Variants in MACROD1 observed in about 807,000 individuals in gnomAD.
MACROD1 encodes the protein ADP-ribose glycohydrolase MACROD1.
MACROD1 carries 31 observed loss-of-function variants against 41.4 expected under a neutral mutation model. The ratio of observed to expected loss-of-function variants is 0.75; its 90% CI spans 0.56 to 1.01. The LOEUF is 1.01. MACROD1 is among the 50% of genes least tolerant of loss of function. The pLI, the probability that MACROD1 is intolerant of heterozygous loss-of-function variation, is 0.00. For missense variants in MACROD1, 473 were observed against 460.0 expected (o/e 1.03, Z -0.26); for synonymous variants, 252 against 203.4 (o/e 1.24, Z -2.03).
chr11:64,143,759 C>CACACACAA (rs1945449436), intron 3 of MACROD1, among the ~76,000 whole-genome samples: 1 of 132,654 alleles, frequency 7.5e-6, no homozygotes, highest in African/African-American at 2.7e-5. Flanking sequence ...CACATACACA[C>CACACACAA]ACACACACAC....
At chr11:64,162,909 C>A (rs1055156836) in intron 1 of MACROD1, among the ~76,000 whole-genome samples, 1 of 150,774 alleles carries the variant, frequency 6.6e-6, no homozygotes, top group Non-Finnish European at 1.5e-5. Flanking sequence ...TCACGAGGTC[C>A]GGAGATCAAG....
In MACROD1 at chr11:64,131,541, G is replaced by A. The variant is rs541934465; in HGVS notation, c.517+19698C>T. Among the ~76,000 whole-genome samples, 4 of 152,284 alleles carry A rather than the reference G, an allele frequency of 2.6e-5. No homozygotes were observed. The East Asian group carries it at 7.7e-4, about 29-fold the overall frequency. ...GGGGTTTCTCCATGTTGGCCAGGCT[G>A]GTCTTGAACTCCCAACTTCAATGAT... On this transcript the variant is annotated intron_variant, in intron 3 of 10. Transcript: ENST00000255681.
At chr11:64,139,300 C>T (rs185335450) in intron 3 of MACROD1, among the ~76,000 whole-genome samples, 46 of 152,322 alleles carry the variant, frequency 3.0e-4, no homozygotes, top group Admixed American at 1.6e-3. Context: ...TATAAACAGC[C>T]GCGTCCCTGC....
rs1249849262 is a variant in MACROD1 at position 64,151,221 on chromosome 11, T to C, written c.517+18A>G. On this transcript the variant is annotated intron_variant, in intron 3 of 10. Coordinates refer to ENST00000255681, the MANE Select transcript of MACROD1 (RefSeq NM_014067.4). ...AACAGGGCGGCCACCAGGTCTCTGG[T>C]TCAGGCCAGCCACTCACCGGCGTTG... is the stretch of plus-strand genomic sequence containing the variant. 1.9e-6 allele frequency: 3 copies of C among 1,606,012 alleles called. No individual in the cohort carries two copies. The highest frequency in any genetic ancestry group is 2.6e-6 in the Non-Finnish European group (3 of 1,175,216).
At chr11:64,124,307 G>C (rs1249080715) in intron 3 of MACROD1, among the ~76,000 whole-genome samples, 1 of 152,206 alleles carries the variant, frequency 6.6e-6, no homozygotes, top group African/African-American at 2.4e-5. Flanking sequence ...TCTTAAGCCA[G>C]GGCTGCCCCA....
At chr11:64,117,139 C>T in intron 3 of MACROD1, 1 of 1,613,390 alleles carries the variant, frequency 6.2e-7, no homozygotes, top group South Asian at 1.1e-5. Context: ...AACACGCTGG[C>T]CAAGATGCGT....
At chr11:64,097,011 A>G (rs1944588512) in intron 3 of MACROD1, among the ~76,000 whole-genome samples, 1 of 152,166 alleles carries the variant, frequency 6.6e-6, no homozygotes, top group African/African-American at 2.4e-5. Flanking sequence ...GCAAAGGCAC[A>G]AGAGCACTCC....
At chr11:64,128,520 G>A (rs1945219090) in intron 3 of MACROD1, among the ~76,000 whole-genome samples, 1 of 152,076 alleles carries the variant, frequency 6.6e-6, no homozygotes. Flanking sequence ...GGAGGACTAG[G>A]AGGCAATGGG....
intron 1 of MACROD1, among the ~76,000 whole-genome samples, chr11:64,158,052 C>T (rs575343766): frequency 4.7e-4 from 72 of 152,282 alleles, no homozygotes; most frequent in Non-Finnish European, 5.3e-4. Flanking sequence ...GTGGGAGAAG[C>T]CCCCCGACTC....
chr11:64,135,438 C>G (rs1319586340), intron 3 of MACROD1, among the ~76,000 whole-genome samples: 1 of 152,250 alleles, frequency 6.6e-6, no homozygotes, highest in Non-Finnish European at 1.5e-5. Context: ...TCCACCCCAC[C>G]CTCAGCTTTG....
In MACROD1 at chr11:63,998,667, AGCGGGGTCCCGAAG is replaced by A. The variant is rs1278368384; in HGVS notation, c.*37_*50del. On this transcript the variant is annotated 3_prime_UTR_variant, in exon 11 of 11. Coordinates refer to ENST00000255681, the MANE Select transcript of MACROD1 (RefSeq NM_014067.4). ...GCTTTGGCGACCTCTCAGAGCTGGG[AGCGGGGTCCCGAAG>A]GCGGGTCTGAGGGCAGAGCAGAGTC... The A allele has an allele frequency of 1.5e-6, 2 of 1,331,814 alleles. No homozygotes were observed. Among genetic ancestry groups the A allele is most frequent in the Non-Finnish European group, 1.9e-6 (2 of 1,044,474 alleles). The allele number at this position is 1,331,814 out of a possible 1,614,324, so 82.5% of individuals were successfully genotyped here.
intron 3 of MACROD1, among the ~76,000 whole-genome samples, chr11:64,050,053 G>A (rs1368451023): frequency 6.6e-6 from 1 of 152,128 alleles, no homozygotes; most frequent in African/African-American, 2.4e-5. Context: ...TGATGATGAG[G>A]GTGATGGCCT....
At chr11:64,123,269 A>G (rs1035685060) in intron 3 of MACROD1, among the ~76,000 whole-genome samples, 1 of 152,032 alleles carries the variant, frequency 6.6e-6, no homozygotes, top group Non-Finnish European at 1.5e-5. Flanking sequence ...CTGCCCCTGG[A>G]TGGGCGCCAG....
Position 63,999,624 on chromosome 11 carries a change from C to T in MACROD1, c.786+18G>A, listed in dbSNP as rs74751881. 0.042 allele frequency: 67,610 copies of T among 1,609,270 alleles called. 1,926 individuals are homozygous for T. Among genetic ancestry groups the T allele is most frequent in the South Asian group, 0.12 (10,944 of 90,486 alleles). On this transcript the variant is annotated intron_variant, in intron 6 of 10. Coordinates refer to ENST00000255681, the MANE Select transcript of MACROD1 (RefSeq NM_014067.4). Reference sequence around the variant, plus strand: ...ACTGCGCCCCGCCTCCCGCCCTCCCCCGCGGGCCGTCCCTCACCACCGAGC... The same window carrying T: ...ACTGCGCCCCGCCTCCCGCCCTCCCTCGCGGGCCGTCCCTCACCACCGAGC...
intron 4 of MACROD1, among the ~76,000 whole-genome samples, chr11:64,010,338 G>A (rs1330905307): frequency 2.1e-5 from 3 of 143,938 alleles, no homozygotes; most frequent in African/African-American, 5.1e-5. Context: ...TGTTGGTTGG[G>A]GTGTTGGTTG....
intron 3 of MACROD1, among the ~76,000 whole-genome samples, chr11:64,115,425 G>A (rs1311600261): frequency 6.6e-6 from 1 of 151,946 alleles, no homozygotes; most frequent in Non-Finnish European, 1.5e-5. Context: ...TTTGAGAAAG[G>A]GGCAAGGTGT....
At chr11:63,998,817 A>ACGGGGC in intron 10 of MACROD1, 21 bp downstream of exon 10, 1 of 1,515,874 alleles carries the variant, frequency 6.6e-7, no homozygotes, top group Non-Finnish European at 8.8e-7. Context: ...GGGCCGCCGC[A>ACGGGGC]CGGGGCGAGG....
intron 3 of MACROD1, among the ~76,000 whole-genome samples, chr11:64,069,988 G>T (rs935370375): frequency 3.3e-5 from 5 of 152,168 alleles, no homozygotes; most frequent in African/African-American, 1.2e-4. Flanking sequence ...CAGAGCAGGG[G>T]GCCAGGAAGC....
At chr11:64,130,111 C>A (rs1425510196) in intron 3 of MACROD1, among the ~76,000 whole-genome samples, 1 of 151,982 alleles carries the variant, frequency 6.6e-6, no homozygotes, top group Non-Finnish European at 1.5e-5. Context: ...TGCTGCAGCC[C>A]CCCACCGTGC....
Sources: allele counts gnomAD v4.1 joint callset (sites outside exome capture counted in the v4.1 genomes callset), GRCh38; gene constraint gnomAD v4.1.1; transcripts MANE v1.5; gene names NCBI Gene and HGNC (gene_info 2026-07-23, HGNC 2026-07-21).